The following KIZ variants were observed in gnomAD, a reference collection of about 807,000 sequenced individuals.
KIZ encodes centrosomal protein kizuna.
In KIZ, 68 loss-of-function variants were observed where a neutral mutation model predicts 79.6. That is an observed-to-expected ratio of 0.85 (90% CI 0.70 to 1.05). The LOEUF (loss-of-function observed/expected upper bound fraction) is 1.05, where lower values mean the gene tolerates loss of function less well. Among genes scored for constraint, KIZ ranks in the 50% least tolerant of loss-of-function variants. KIZ has a pLI of 0.00. For missense variants in KIZ, 797 were observed against 800.4 expected, an observed-to-expected ratio of 1.00 and a Z score of 0.05; for synonymous variants, 280 against 281.8, an observed-to-expected ratio of 0.99 and a Z score of 0.06.
chr20:21,148,709 G>C (rs2032969113), intron 4 of KIZ: 1 of 152,168 alleles, frequency 6.6e-6, no homozygotes, highest in Admixed American at 6.5e-5. Context: ...AGATTGAGAT[G>C]GCGTTTTTGA....
chr20:21,179,800 C>T (rs1381536381), intron 6 of KIZ, among the ~76,000 whole-genome samples: 1 of 151,788 alleles, frequency 6.6e-6, no homozygotes, highest in African/African-American at 2.4e-5. Context: ...TTCTAATGTC[C>T]CTGTTGATTT....
chr20:21,213,263 A>ACCGGGCCTTCCGT, intron 7 of KIZ, among the ~76,000 whole-genome samples: 2 of 152,226 alleles, frequency 1.3e-5, no homozygotes, highest in South Asian at 4.1e-4. Flanking sequence ...GGGCCTTCTT[A>ACCGGGCCTTCCGT]CCGGGCCTTC....
chr20:21,142,660 G>A (rs2032622398), intron 3 of KIZ, among the ~76,000 whole-genome samples: 1 of 152,008 alleles, frequency 6.6e-6, no homozygotes, highest in South Asian at 2.1e-4. Flanking sequence ...GGATGTGGTG[G>A]CATGTGCTCT....
chr20:21,146,880 A>C (rs754159008), intron 4 of KIZ, among the ~76,000 whole-genome samples: 19 of 152,340 alleles, frequency 1.2e-4, no homozygotes, highest in Admixed American at 2.6e-4. Context: ...GTAAGATACA[A>C]AACACCAAGC....
chr20:21,171,727 G>A (rs771175349), intron 6 of KIZ, among the ~76,000 whole-genome samples: 23 of 152,256 alleles, frequency 1.5e-4, no homozygotes, highest in Admixed American at 7.2e-4. Flanking sequence ...TTACAGGCAT[G>A]AGCCACCATG....
intron 3 of KIZ, among the ~76,000 whole-genome samples, chr20:21,144,647 A>G (rs1042906657): frequency 2.9e-5 from 4 of 137,762 alleles, no homozygotes; most frequent in African/African-American, 7.7e-5. Flanking sequence ...TTACCTTTCA[A>G]AATATTTTGA....
Position 21,162,300 on chromosome 20 carries a change from C to T in KIZ, c.835C>T (p.Arg279Trp), listed in dbSNP as rs753217273. The change falls in exon 5 of 13, where the codon CGG becomes TGG. Residue 279 changes from arginine to tryptophan, a missense_variant. Arg to Trp is a moderately radical substitution (Grantham distance 101). Coordinates refer to ENST00000619189, the MANE Select transcript of KIZ (RefSeq NM_018474.6). ...GTCTGCTGAACTCAATTCCCCGTTA[C>T]GGGAAAGATTAAGTCCAGAGAACAG... Reference protein sequence around the residue: ...KKSAELNSPLRERLSPENRTT... With the variant: ...KKSAELNSPLWERLSPENRTT... 4.3e-6 allele frequency: 7 copies of T among 1,613,574 alleles called. No homozygotes were observed. Among genetic ancestry groups the T allele is most frequent in the African/African-American group, 2.7e-5 (2 of 75,010 alleles).
At chr20:21,138,431 C>G (rs983402375) in intron 3 of KIZ, among the ~76,000 whole-genome samples, 1 of 152,222 alleles carries the variant, frequency 6.6e-6, no homozygotes, top group Non-Finnish European at 1.5e-5. Context: ...TGTATCTATG[C>G]TGATGCTATC....
chr20:21,173,310 G>T (rs2034295388), intron 6 of KIZ, among the ~76,000 whole-genome samples: 1 of 152,154 alleles, frequency 6.6e-6, no homozygotes, highest in African/African-American at 2.4e-5. Flanking sequence ...GGGTGTGGTG[G>T]CTCATGCCTG....
chr20:21,168,612 C>A (rs1285103259), intron 6 of KIZ, among the ~76,000 whole-genome samples: 1 of 152,146 alleles, frequency 6.6e-6, no homozygotes, highest in Admixed American at 6.5e-5. Context: ...CAAAAGAGAG[C>A]CCGCATCGCC....
chr20:21,238,132 G>A (rs911336439), intron 11 of KIZ, among the ~76,000 whole-genome samples: 2 of 152,068 alleles, frequency 1.3e-5, no homozygotes, highest in Non-Finnish European at 2.9e-5. Context: ...CCCAGCGGCA[G>A]GTTTCTTAAT....
chr20:21,213,170 A>T (rs2036140050), intron 7 of KIZ, among the ~76,000 whole-genome samples: 1 of 152,192 alleles, frequency 6.6e-6, no homozygotes, highest in Admixed American at 6.5e-5. Flanking sequence ...CTCTGCAGGG[A>T]AGTCAGGACT....
chr20:21,126,211 G>A lies in KIZ; in HGVS notation c.89+7G>A. On this transcript the variant is annotated splice_region_variant and intron_variant, in intron 1 of 12. Coordinates refer to ENST00000619189, the MANE Select transcript of KIZ (RefSeq NM_018474.6). ...AGCACGGGCTGCGGGACAGGTAAGG[G>A]CACTGGGGCGGGGGTGGGGAGTCGG... 1 of 1,439,644 alleles carries A rather than the reference G, an allele frequency of 6.9e-7. No individual in the cohort carries two copies. The highest frequency in any genetic ancestry group is 1.4e-5 in the South Asian group (1 of 72,908). The allele number at this position is 1,439,644 out of a possible 1,614,324, so 89.2% of individuals were successfully genotyped here. A position where few individuals can be genotyped will look rare whatever the true frequency, so the allele number is the denominator to read the frequency against.
intron 5 of KIZ, 53 bp from the exon 6 acceptor site, chr20:21,162,797 T>C: frequency 1.4e-6 from 2 of 1,433,998 alleles, no homozygotes; most frequent in Non-Finnish European, 1.9e-6. Context: ...GTGTGTTACC[T>C]TGCTTCCTCC....
At chr20:21,231,315 C>T (rs752871580) in intron 10 of KIZ, among the ~76,000 whole-genome samples, 12 of 152,100 alleles carry the variant, frequency 7.9e-5, no homozygotes, top group Non-Finnish European at 1.8e-4. Context: ...CAGGGCCAGA[C>T]CCTGTCTCAA....
At chr20:21,243,318 A>T (rs1037687775) in intron 11 of KIZ, among the ~76,000 whole-genome samples, 3 of 151,766 alleles carry the variant, frequency 2.0e-5, no homozygotes, top group Non-Finnish European at 4.4e-5. Context: ...GAAAAAAAAA[A>T]GTAAATTATA....
At chr20:21,204,117 T>TG (rs1476072704) in intron 6 of KIZ, among the ~76,000 whole-genome samples, 26 of 132,938 alleles carry the variant, frequency 2.0e-4, no homozygotes, top group African/African-American at 6.6e-4. Flanking sequence ...TTTTTTTTTT[T>TG]TTTTTTTTTT....
At chr20:21,145,718 A>T in intron 4 of KIZ, 64 bp downstream of exon 4, 2 of 621,718 alleles carry the variant, frequency 3.2e-6, no homozygotes, top group South Asian at 5.3e-5. Flanking sequence ...ATATCTTGAG[A>T]TATTGTTTTA....
intron 4 of KIZ, among the ~76,000 whole-genome samples, chr20:21,147,164 T>C (rs939743305): frequency 9.2e-5 from 14 of 152,184 alleles, no homozygotes; most frequent in Admixed American, 9.2e-4. Context: ...CCACTGATTC[T>C]TTACCTTGCA....
Sources: allele counts gnomAD v4.1 joint callset (sites outside exome capture counted in the v4.1 genomes callset), GRCh38; gene constraint gnomAD v4.1.1; transcripts MANE v1.5; gene names NCBI Gene and HGNC (gene_info 2026-07-23, HGNC 2026-07-21).